ZRANB3: variants seen among roughly 807,000 people sequenced by gnomAD.
The protein encoded by ZRANB3 is DNA annealing helicase and endonuclease ZRANB3.
Under a neutral mutation model 133.8 loss-of-function variants are expected in ZRANB3, and 125 were observed. That is an observed-to-expected ratio of 0.93 (90% confidence interval 0.81 to 1.08). The LOEUF (loss-of-function observed/expected upper bound fraction) is 1.08, where lower values mean the gene tolerates loss of function less well. Among genes scored for constraint, ZRANB3 ranks in the 50% least tolerant of loss-of-function variants. The pLI is 0.00. For missense variants in ZRANB3, 1,229 were observed against 1,275.5 expected (o/e 0.96, Z 0.56); for synonymous variants, 387 against 432.7 (o/e 0.89, Z 1.31).
intron 14 of ZRANB3, 82 bp downstream of exon 14, chr2:135,227,730 A>G: frequency 1.5e-6 from 2 of 1,313,422 alleles, no homozygotes; most frequent in East Asian, 2.5e-5. Flanking sequence ...GGAACAAGGT[A>G]GTAATTACTA....
At chr2:135,348,090 C>T (rs1685026969) in intron 5 of ZRANB3, among the ~76,000 whole-genome samples, 1 of 151,972 alleles carries the variant, frequency 6.6e-6, no homozygotes, top group African/African-American at 2.4e-5. Flanking sequence ...AAAATCCCGT[C>T]TCTACTCAAA....
At chr2:135,404,307 C>T (rs1366400722) in intron 2 of ZRANB3, among the ~76,000 whole-genome samples, 1 of 152,098 alleles carries the variant, frequency 6.6e-6, no homozygotes, top group Non-Finnish European at 1.5e-5. Flanking sequence ...GACAAATGTA[C>T]AAGTCTCAGT....
chr2:135,288,148 G>A (rs1315957626), intron 8 of ZRANB3, among the ~76,000 whole-genome samples: 1 of 152,118 alleles, frequency 6.6e-6, no homozygotes, highest in Non-Finnish European at 1.5e-5. Context: ...ACAAAAGGAT[G>A]CTGGATTTTG....
chr2:135,504,416 A>T lies in ZRANB3; in HGVS notation c.74T>A (p.Leu25Gln), dbSNP rs1409557104. The T allele has an allele frequency of 6.2e-7, 1 of 1,613,602 alleles. No homozygotes were observed. The highest frequency in any genetic ancestry group is 2.2e-5 in the East Asian group (1 of 44,810). ...TAGTCTGTCAGGCAAAAAATCCAGCAGATTATCAGATTCATTTGTCACACA... is the reference window on the plus strand; with the variant it reads ...TAGTCTGTCAGGCAAAAAATCCAGCTGATTATCAGATTCATTTGTCACACA... ...ISCVTNESDN[L>Q]LDFLPDRLRA... is the part of the protein sequence containing the mutation. Residue 25 changes from leucine to glutamine, a missense_variant, in exon 2 of 21, where the codon CTG becomes CAG. Physicochemically the swap from Leu to Gln is moderately radical, Grantham distance 113. Transcript: ENST00000264159.
intron 14 of ZRANB3, among the ~76,000 whole-genome samples, chr2:135,225,466 C>T (rs1694722397): frequency 6.6e-6 from 1 of 152,176 alleles, no homozygotes; most frequent in African/African-American, 2.4e-5. Context: ...TTCAAAAACG[C>T]ACTTTAACAT....
chr2:135,456,601 T>G (rs903497993), intron 2 of ZRANB3, among the ~76,000 whole-genome samples: 1 of 152,170 alleles, frequency 6.6e-6, no homozygotes, highest in African/African-American at 2.4e-5. Context: ...ATGGGTAAAG[T>G]AGTTCTCATT....
At chr2:135,405,353 TCA>T (rs1162105163) in intron 2 of ZRANB3, among the ~76,000 whole-genome samples, 2 of 152,104 alleles carry the variant, frequency 1.3e-5, no homozygotes, top group Non-Finnish European at 2.9e-5. Flanking sequence ...AGACTTAGAC[TCA>T]CACACAATAA....
chr2:135,435,614 T>C (rs913504463), intron 2 of ZRANB3, among the ~76,000 whole-genome samples: 4 of 152,198 alleles, frequency 2.6e-5, no homozygotes, highest in African/African-American at 9.6e-5. Flanking sequence ...CCACCAACAG[T>C]GTATGTGTTT....
chr2:135,399,123 C>T (rs1013088835), intron 2 of ZRANB3, among the ~76,000 whole-genome samples: 1 of 152,148 alleles, frequency 6.6e-6, no homozygotes, highest in East Asian at 1.9e-4. Context: ...AACGGCCATA[C>T]ATGTACATGG....
Position 135,330,924 on chromosome 2 carries a change from T to C in ZRANB3, c.677+14626A>G, listed in dbSNP as rs577793269. Among the ~76,000 whole-genome samples the C allele has an allele frequency of 2.0e-5, 3 of 152,302 alleles. No individual in the cohort carries two copies. The South Asian group carries it at 6.2e-4, about 32-fold the overall frequency. On this transcript the variant is annotated intron_variant, in intron 6 of 20. Coordinates refer to ENST00000264159, the MANE Select transcript of ZRANB3 (RefSeq NM_032143.4). ...CTTTTATCATTTTTTATTGCGTCTA[T>C]TTGATTCTTCTCTCTTTTCTTCATT...
At chr2:135,469,621 G>A (rs1691162672) in intron 2 of ZRANB3, among the ~76,000 whole-genome samples, 1 of 152,104 alleles carries the variant, frequency 6.6e-6, no homozygotes, top group African/African-American at 2.4e-5. Flanking sequence ...TGTACTGGAG[G>A]TGGACAAACA....
chr2:135,214,940 C>A (rs1694244446), intron 17 of ZRANB3, among the ~76,000 whole-genome samples: 1 of 152,196 alleles, frequency 6.6e-6, no homozygotes, highest in Admixed American at 6.5e-5. Flanking sequence ...CATTTTGAGA[C>A]AGGGTCTTGC....
intron 2 of ZRANB3, among the ~76,000 whole-genome samples, chr2:135,469,268 CAT>C (rs956824466): frequency 7.2e-4 from 109 of 150,732 alleles, no homozygotes; most frequent in Admixed American, 2.3e-3. Context: ...CACACACACA[CAT>C]ATATGTGATA....
intron 2 of ZRANB3, among the ~76,000 whole-genome samples, chr2:135,401,648 C>T (rs1363818637): frequency 6.6e-6 from 1 of 152,158 alleles, no homozygotes; most frequent in Non-Finnish European, 1.5e-5. Context: ...TAGCACATGT[C>T]GTTTTGTCTT....
intron 1 of ZRANB3, among the ~76,000 whole-genome samples, chr2:135,518,702 A>T (rs1180823783): frequency 6.6e-6 from 1 of 152,180 alleles, no homozygotes; most frequent in Non-Finnish European, 1.5e-5. Flanking sequence ...GTTCCTATTC[A>T]GCCATCTTGC....
intron 3 of ZRANB3, among the ~76,000 whole-genome samples, chr2:135,376,213 C>A (rs1368975487): frequency 6.6e-6 from 1 of 152,166 alleles, no homozygotes; most frequent in African/African-American, 2.4e-5. Context: ...GAAACCTACC[C>A]TGTTGACACC....
chr2:135,203,612 CAAAAA>C (rs1051712787), intron 19 of ZRANB3, among the ~76,000 whole-genome samples: 1 of 62,088 alleles, frequency 1.6e-5, no homozygotes, highest in African/African-American at 5.2e-5. Context: ...GACTCGGTCT[CAAAAA>C]AAAAAAAAAA....
At chr2:135,433,389 AAAAAC>A (rs1689400291) in intron 2 of ZRANB3, among the ~76,000 whole-genome samples, 1 of 152,158 alleles carries the variant, frequency 6.6e-6, no homozygotes. Context: ...CCTGTCTTAA[AAAAAC>A]AAAACAAAAC....
chr2:135,479,262 A>G (rs1022507433), intron 2 of ZRANB3, among the ~76,000 whole-genome samples: 5 of 152,240 alleles, frequency 3.3e-5, no homozygotes, highest in Non-Finnish European at 5.9e-5. Context: ...AGAATCGTAG[A>G]AGGGTACTTT....
Sources: gnomAD v4.1 joint callset for allele counts (sites outside exome capture counted in the v4.1 genomes callset) on GRCh38, gnomAD v4.1.1 for gene constraint, MANE v1.5 for transcripts, NCBI Gene and HGNC (gene_info 2026-07-23, HGNC 2026-07-21) for gene names.